The following CTNNA2 variants were observed in gnomAD, a reference collection of about 807,000 sequenced individuals.
CTNNA2 encodes catenin alpha-2.
In CTNNA2, 42 loss-of-function variants were observed where a neutral mutation model predicts 101.0. The observed-to-expected ratio is 0.42, with a 90% CI of 0.32 to 0.54. The LOEUF is 0.54. Among genes scored for constraint, CTNNA2 ranks in the 20% least tolerant of loss-of-function variants. The pLI, the probability that CTNNA2 is intolerant of heterozygous loss-of-function variation, is 0.14. For synonymous variants in CTNNA2, 450 were observed against 456.4 expected, an observed-to-expected ratio of 0.99 and a Z score of 0.18; for missense variants, 871 against 1,223.1, an observed-to-expected ratio of 0.71 and a Z score of 4.29.
At chr2:79,469,926 C>G (rs532242450) in intron 4 of CTNNA2, among the ~76,000 whole-genome samples, 2 of 152,190 alleles carry the variant, frequency 1.3e-5, no homozygotes, top group South Asian at 4.1e-4. Context: ...CAATATCATA[C>G]TGAATGGGCA....
chr2:79,563,157 ATG>A (rs1421201430), intron 1 of CTNNA2, among the ~76,000 whole-genome samples: 3 of 57,506 alleles, frequency 5.2e-5, no homozygotes, highest in African/African-American at 1.6e-4. Context: ...AATAATAAAG[ATG>A]TGTATATATA....
intron 7 of CTNNA2, among the ~76,000 whole-genome samples, chr2:80,272,350 G>C (rs566965201): frequency 6.6e-6 from 1 of 152,166 alleles, no homozygotes; most frequent in East Asian, 1.9e-4. Flanking sequence ...TAGCCAAACC[G>C]ACTATACCAA....
chr2:79,891,969 C>G (rs116889700), intron 6 of CTNNA2, among the ~76,000 whole-genome samples: 2,002 of 151,990 alleles, frequency 0.013, 137 homozygotes, highest in Admixed American at 0.098. Context: ...AAAATTAAAT[C>G]TGTTTACAGA....
intron 12 of CTNNA2, among the ~76,000 whole-genome samples, chr2:80,573,635 G>GTC (rs1225140895): frequency 3.3e-5 from 5 of 152,098 alleles, no homozygotes; most frequent in African/African-American, 4.8e-5. Context: ...TTGGGTTAAG[G>GTC]TCTGCTACTC....
chr2:79,367,888 A>C (rs1389230564), intron 3 of CTNNA2, among the ~76,000 whole-genome samples: 1 of 152,198 alleles, frequency 6.6e-6, no homozygotes, highest in Non-Finnish European at 1.5e-5. Flanking sequence ...TGCAGTCTAT[A>C]GATAAGGAAT....
At chr2:79,899,879 A>G (rs1684965902) in intron 6 of CTNNA2, among the ~76,000 whole-genome samples, 1 of 152,212 alleles carries the variant, frequency 6.6e-6, no homozygotes, top group African/African-American at 2.4e-5. Context: ...TGCTACCCCA[A>G]TTACGTCAAG....
intron 7 of CTNNA2, among the ~76,000 whole-genome samples, chr2:80,189,961 A>G (rs1255491977): frequency 1.3e-5 from 2 of 152,072 alleles, no homozygotes; most frequent in African/African-American, 4.8e-5. Context: ...TGAAAAGCAT[A>G]CACTTAACTA....
chr2:79,904,471 T>C (rs1368896893), intron 6 of CTNNA2, among the ~76,000 whole-genome samples: 1 of 152,230 alleles, frequency 6.6e-6, no homozygotes, highest in African/African-American at 2.4e-5. Flanking sequence ...CGTTTTAAAG[T>C]AATATACTTT....
intron 18 of CTNNA2, among the ~76,000 whole-genome samples, chr2:80,626,391 G>A (rs1671687708): frequency 6.6e-6 from 1 of 152,006 alleles, no homozygotes; most frequent in Non-Finnish European, 1.5e-5. Flanking sequence ...GGAAGAAGAG[G>A]TGAGAGGGTT....
chr2:80,363,421 C>T (rs1165255203), intron 7 of CTNNA2, among the ~76,000 whole-genome samples: 1 of 152,086 alleles, frequency 6.6e-6, no homozygotes, highest in Admixed American at 6.6e-5. Context: ...CTCAAGCATG[C>T]TACATGATTT....
chr2:80,130,102 G>T (rs775375431), intron 7 of CTNNA2, among the ~76,000 whole-genome samples: 2 of 152,086 alleles, frequency 1.3e-5, no homozygotes, highest in Non-Finnish European at 2.9e-5. Flanking sequence ...GCCAAATCAC[G>T]GTGGTGCCAA....
At chr2:79,291,559 GA>G (rs1216031992) in intron 2 of CTNNA2, among the ~76,000 whole-genome samples, 1 of 152,152 alleles carries the variant, frequency 6.6e-6, no homozygotes, top group Non-Finnish European at 1.5e-5. Flanking sequence ...ATAAGTTGAA[GA>G]AAGTATTTCC....
At chr2:80,439,186 C>G (rs1247686807) in intron 9 of CTNNA2, among the ~76,000 whole-genome samples, 1 of 152,078 alleles carries the variant, frequency 6.6e-6, no homozygotes, top group Non-Finnish European at 1.5e-5. Context: ...CCTGCTGCAT[C>G]AACTACAGCC....
At chr2:80,137,795 T>G (rs1408874182) in intron 7 of CTNNA2, among the ~76,000 whole-genome samples, 1 of 152,050 alleles carries the variant, frequency 6.6e-6, no homozygotes, top group African/African-American at 2.4e-5. Context: ...TATTGGGACT[T>G]CTGTGTATTT....
At chr2:79,616,354 T>G (rs2104246884) in intron 1 of CTNNA2, among the ~76,000 whole-genome samples, 1 of 152,310 alleles carries the variant, frequency 6.6e-6, no homozygotes, top group South Asian at 2.1e-4. Flanking sequence ...CTATAGAGAC[T>G]AAAATCTATA....
intron 9 of CTNNA2, among the ~76,000 whole-genome samples, chr2:80,494,885 A>T (rs1179315396): frequency 1.3e-5 from 2 of 152,230 alleles, no homozygotes; most frequent in Non-Finnish European, 1.5e-5. Context: ...GATTTGCAAA[A>T]TAGTTCCCAA....
intron 7 of CTNNA2, among the ~76,000 whole-genome samples, chr2:80,371,482 A>T (rs1379919231): frequency 6.6e-6 from 1 of 151,406 alleles, no homozygotes; most frequent in Non-Finnish European, 1.5e-5. Flanking sequence ...CATGGTAGAA[A>T]GATGCATGAA....
chr2:80,444,642 G>A (rs1682915197), intron 9 of CTNNA2, among the ~76,000 whole-genome samples: 3 of 152,114 alleles, frequency 2.0e-5, no homozygotes, highest in Admixed American at 2.0e-4. Context: ...AGATAATAAG[G>A]TTTAGATGAG....
At chr2:80,115,391 G>A (rs749456403) in intron 7 of CTNNA2, among the ~76,000 whole-genome samples, 11 of 152,154 alleles carry the variant, frequency 7.2e-5, no homozygotes, top group Non-Finnish European at 1.5e-4. Flanking sequence ...CGAAGAAGAC[G>A]TTATCTACCT....
Sources: allele counts gnomAD v4.1 joint callset (sites outside exome capture counted in the v4.1 genomes callset), GRCh38; gene constraint gnomAD v4.1.1; transcripts MANE v1.5; gene names NCBI Gene and HGNC (gene_info 2026-07-23, HGNC 2026-07-21).